NHLRC2: variants seen among roughly 807,000 people sequenced by gnomAD.
NHLRC2 encodes NHL repeat-containing protein 2.
NHLRC2 carries 33 observed loss-of-function variants against 68.1 expected under a neutral mutation model. That is an observed-to-expected ratio of 0.48 (90% CI 0.37 to 0.65). The LOEUF (loss-of-function observed/expected upper bound fraction) is 0.65, where lower values mean the gene tolerates loss of function less well. Among genes scored for constraint, NHLRC2 ranks in the 30% least tolerant of loss-of-function variants. The probability of loss-of-function intolerance (pLI) is 0.00; values close to 1 mark genes in which losing one functional copy is unlikely to be tolerated. For synonymous variants in NHLRC2, 311 were observed against 309.6 expected (o/e 1.00, Z -0.05); for missense variants, 761 against 853.8 (o/e 0.89, Z 1.35).
At chr10:113,872,718 G>A (rs1457537159) in intron 2 of NHLRC2, among the ~76,000 whole-genome samples, 1 of 149,624 alleles carries the variant, frequency 6.7e-6, no homozygotes, top group African/African-American at 2.4e-5. Flanking sequence ...TTATTAAGGG[G>A]CATTAAAAGC....
In NHLRC2 at chr10:113,859,380, A is replaced by G. The variant is rs185234588; in HGVS notation, c.331+700A>G. On this transcript the variant is annotated intron_variant, in intron 2 of 10. Transcript: ENST00000369301. ...TAATTAGGTTCAAGTGAATTGAAGC[A>G]CTAATCTTGGAGTGGATAAAAAAAA... Among the ~76,000 whole-genome samples, 557 of 152,282 alleles carry G rather than the reference A, an allele frequency of 3.7e-3. 3 individuals carry two copies. The highest frequency in any genetic ancestry group is 0.013 in the African/African-American group (531 of 41,572).
At chr10:113,879,008 A>G (rs1846011569) in intron 3 of NHLRC2, among the ~76,000 whole-genome samples, 1 of 152,188 alleles carries the variant, frequency 6.6e-6, no homozygotes. Context: ...CTCTACATGA[A>G]TTGTAAAAAC....
intron 2 of NHLRC2, among the ~76,000 whole-genome samples, chr10:113,864,481 T>C (rs530304034): frequency 1.3e-5 from 2 of 152,162 alleles, no homozygotes; most frequent in East Asian, 3.9e-4. Context: ...AGGCGGATCA[T>C]GAGGTCAAGA....
chr10:113,880,364 T>A (rs879662360), intron 4 of NHLRC2, among the ~76,000 whole-genome samples: 10 of 152,030 alleles, frequency 6.6e-5, no homozygotes, highest in Admixed American at 2.0e-4. Flanking sequence ...TCTAACTTTT[T>A]TTTTTTGCAT....
intron 1 of NHLRC2, among the ~76,000 whole-genome samples, chr10:113,856,422 A>G (rs1249827317): frequency 6.6e-6 from 1 of 152,126 alleles, no homozygotes; most frequent in Non-Finnish European, 1.5e-5. Flanking sequence ...TATTAATCTT[A>G]TACTGGATTT....
In NHLRC2 at chr10:113,890,476, T is replaced by C. The variant is rs964564175; in HGVS notation, c.1039+6096T>C. 9.2e-5 allele frequency among the ~76,000 whole-genome samples: 14 copies of C among 152,282 alleles called. No homozygotes were observed. The Middle Eastern group carries it at 0.02, about 222-fold the overall frequency. On this transcript the variant is annotated intron_variant, in intron 5 of 10. Transcript: ENST00000369301. ...AGCAGTTTGATATATCTAAGAATTA[T>C]CCTGCTTGGAGTTCTTGAATCTGTG...
In NHLRC2 at chr10:113,914,804, G is replaced by A; in HGVS notation, c.*6268G>A. 2 of 343,876 alleles carry A rather than the reference G, an allele frequency of 5.8e-6. No individual in the cohort carries two copies. Among genetic ancestry groups the A allele is most frequent in the Non-Finnish European group, 1.1e-5 (2 of 174,970 alleles). 21.3% of individuals were successfully genotyped at this position (343,876 alleles called of 1,614,324 possible). On this transcript the variant is annotated 3_prime_UTR_variant, in exon 11 of 11. Coordinates refer to ENST00000369301, the MANE Select transcript of NHLRC2 (RefSeq NM_198514.4). Reference sequence around the variant, plus strand: ...TCACTATTTTGTCCTGAATAATTAAGAGTTTGCTTTTTTCCCATGTCTTTG... The same window carrying A: ...TCACTATTTTGTCCTGAATAATTAAAAGTTTGCTTTTTTCCCATGTCTTTG...
At chr10:113,903,127 T>G (rs1846242548) in intron 8 of NHLRC2, among the ~76,000 whole-genome samples, 1 of 152,200 alleles carries the variant, frequency 6.6e-6, no homozygotes, top group South Asian at 2.1e-4. Flanking sequence ...TGTCAATCAT[T>G]AAGTTTAACA....
At chr10:113,906,539 C>CA (rs552924833) in intron 10 of NHLRC2, among the ~76,000 whole-genome samples, 272 of 134,442 alleles carry the variant, frequency 2.0e-3, no homozygotes, top group African/African-American at 5.8e-3. Flanking sequence ...AGTTTTAAGC[C>CA]AAAAAAAAAA....
intron 2 of NHLRC2, among the ~76,000 whole-genome samples, chr10:113,875,629 C>A (rs1214214883): frequency 1.3e-5 from 2 of 152,122 alleles, no homozygotes; most frequent in Non-Finnish European, 2.9e-5. Context: ...GAGTTTTGGC[C>A]CTGCTGTACA....
intron 5 of NHLRC2, among the ~76,000 whole-genome samples, chr10:113,890,325 T>C (rs1344795841): frequency 6.6e-6 from 1 of 152,252 alleles, no homozygotes; most frequent in Non-Finnish European, 1.5e-5. Flanking sequence ...TTTAAAGATA[T>C]TACTCCATTG....
intron 2 of NHLRC2, among the ~76,000 whole-genome samples, chr10:113,862,781 C>T (rs1217940476): frequency 6.6e-6 from 1 of 152,036 alleles, no homozygotes; most frequent in Non-Finnish European, 1.5e-5. Context: ...GATGGCTATG[C>T]TAGTATCAGA....
rs548858434 is a variant in NHLRC2, at chr10:113,913,283, A to G, written c.*4747A>G. ...AAACATAAATCTTTCATAACTTTATATATTTATAGTAACTTAATCCAAAGA... is the reference window on the plus strand; with the variant it reads ...AAACATAAATCTTTCATAACTTTATGTATTTATAGTAACTTAATCCAAAGA... On this transcript the variant is annotated 3_prime_UTR_variant, in exon 11 of 11. Transcript: ENST00000369301. 55 of 152,318 alleles carry G rather than the reference A, an allele frequency of 3.6e-4. No individual in the cohort carries two copies. Among genetic ancestry groups the G allele is most frequent in the African/African-American group, 1.3e-3 (52 of 41,576 alleles). 9.4% of individuals were successfully genotyped at this position (152,318 alleles called of 1,614,324 possible).
chr10:113,915,325 TA>T lies in NHLRC2; in HGVS notation c.*6790del, dbSNP rs1165188493. 1 of 425,024 alleles carries T rather than the reference TA, an allele frequency of 2.4e-6. No homozygotes were observed. Among genetic ancestry groups the T allele is most frequent in the Non-Finnish European group, 4.7e-6 (1 of 211,758 alleles). The allele number at this position is 425,024 out of a possible 1,614,324, so 26.3% of individuals were successfully genotyped here. A position where few individuals can be genotyped will look rare whatever the true frequency, so the allele number is the denominator to read the frequency against. On this transcript the variant is annotated 3_prime_UTR_variant, in exon 11 of 11. Coordinates refer to ENST00000369301, the MANE Select transcript of NHLRC2 (RefSeq NM_198514.4). ...AGCACAAATGAACACTAAATAGCCTTATACCAAAAAGCATTCTTGTAACTGT... is the reference window on the plus strand; with the variant it reads ...AGCACAAATGAACACTAAATAGCCTTTACCAAAAAGCATTCTTGTAACTGT...
At chr10:113,906,477 T>G (rs1846275565) in intron 10 of NHLRC2, among the ~76,000 whole-genome samples, 1 of 152,080 alleles carries the variant, frequency 6.6e-6, no homozygotes, top group South Asian at 2.1e-4. Flanking sequence ...GAAACACTTA[T>G]TTTTAGCCAA....
intron 2 of NHLRC2, among the ~76,000 whole-genome samples, chr10:113,869,561 T>C (rs1220417780): frequency 3.3e-5 from 5 of 152,302 alleles, no homozygotes; most frequent in Non-Finnish European, 7.4e-5. Flanking sequence ...CCTTCCTGCT[T>C]CCTCTTTGTA....
chr10:113,905,245 A>C (rs1424593990), intron 10 of NHLRC2, among the ~76,000 whole-genome samples: 2 of 152,198 alleles, frequency 1.3e-5, no homozygotes, highest in African/African-American at 4.8e-5. Flanking sequence ...AGTGTAACTC[A>C]CCAAAAGTTA....
chr10:113,873,497 C>CTAGTA (rs1275453698), intron 2 of NHLRC2, among the ~76,000 whole-genome samples: 4 of 152,090 alleles, frequency 2.6e-5, no homozygotes, highest in African/African-American at 9.7e-5. Context: ...ACATGGCTAA[C>CTAGTA]TAGTATATGT....
At position 113,914,945 on chromosome 10, in the gene NHLRC2, T is replaced by G; in HGVS notation, c.*6409T>G. 1 of 456,028 alleles carries G rather than the reference T, an allele frequency of 2.2e-6. No homozygotes were observed. The highest frequency in any genetic ancestry group is 1.5e-5 in the South Asian group (1 of 64,524). The allele number at this position is 456,028 out of a possible 1,614,324, so 28.2% of individuals were successfully genotyped here. On this transcript the variant is annotated 3_prime_UTR_variant, in exon 11 of 11. Transcript: ENST00000369301. ...TACATATGAGCTCTGGAGGTTCGCC[T>G]GGCTGCCTCAGGCTTGCAGAAGGCT...
Sources: allele counts gnomAD v4.1 joint callset (sites outside exome capture counted in the v4.1 genomes callset), GRCh38; gene constraint gnomAD v4.1.1; transcripts MANE v1.5; gene names NCBI Gene and HGNC (gene_info 2026-07-23, HGNC 2026-07-21).